Variants in AP4S1 observed in about 807,000 individuals in gnomAD.
AP4S1 encodes AP-4 complex subunit sigma-1.
AP4S1 carries 23 observed loss-of-function variants against 19.8 expected under a neutral mutation model. The ratio of observed to expected loss-of-function variants is 1.16; its 90% confidence interval spans 0.84 to 1.65. The LOEUF is 1.65. Among genes scored for constraint, AP4S1 ranks in the 40% most tolerant of loss-of-function variants. AP4S1 has a pLI of 0.00. For missense variants in AP4S1, 166 were observed against 172.8 expected (o/e 0.96, Z 0.22); for synonymous variants, 46 against 54.1 (o/e 0.85, Z 0.66).
intron 1 of AP4S1, among the ~76,000 whole-genome samples, chr14:31,059,745 A>T (rs1886317497): frequency 6.6e-6 from 1 of 151,944 alleles, no homozygotes; most frequent in Non-Finnish European, 1.5e-5. Flanking sequence ...GTGAATGGCC[A>T]CAGGCCTCCC....
intron 1 of AP4S1, among the ~76,000 whole-genome samples, chr14:31,037,721 G>A (rs1884862636): frequency 6.6e-6 from 1 of 152,142 alleles, no homozygotes; most frequent in Non-Finnish European, 1.5e-5. Flanking sequence ...AGGCCAAGGT[G>A]GGAGGATTGT....
intron 1 of AP4S1, among the ~76,000 whole-genome samples, chr14:31,039,372 G>A (rs947403758): frequency 3.6e-4 from 54 of 151,418 alleles, no homozygotes; most frequent in Admixed American, 3.6e-3. Flanking sequence ...TTTTAGTAAA[G>A]ACAGGTTCTG....
At chr14:31,035,944 A>G (rs908647602) in intron 1 of AP4S1, among the ~76,000 whole-genome samples, 1 of 151,884 alleles carries the variant, frequency 6.6e-6, no homozygotes, top group East Asian at 1.9e-4. Flanking sequence ...GTTAGCCAGG[A>G]TGGTCTCGAT....
At chr14:31,073,430 C>A in intron 4 of AP4S1, among the ~76,000 whole-genome samples, 1 of 138,286 alleles carries the variant, frequency 7.2e-6, no homozygotes, top group Middle Eastern at 3.6e-3. Context: ...GCGGAGCTTG[C>A]AGTGAGCCGA....
At chr14:31,089,294 T>C (rs960329867) in intron 5 of AP4S1, among the ~76,000 whole-genome samples, 10 of 152,176 alleles carry the variant, frequency 6.6e-5, no homozygotes, top group Admixed American at 2.0e-4. Flanking sequence ...GTGAACACAG[T>C]GGCCCTTGGC....
chr14:31,036,968 A>G (rs1884813788), intron 1 of AP4S1, among the ~76,000 whole-genome samples: 1 of 150,948 alleles, frequency 6.6e-6, no homozygotes, highest in South Asian at 2.1e-4. Flanking sequence ...GCATGCCACT[A>G]TGCCCGGCTA....
chr14:31,037,572 A>T (rs1408951934), intron 1 of AP4S1, among the ~76,000 whole-genome samples: 1 of 152,166 alleles, frequency 6.6e-6, no homozygotes, highest in Non-Finnish European at 1.5e-5. Flanking sequence ...TAGTCCAAAG[A>T]TTGTGAGATA....
At chr14:31,060,536 C>T (rs1045018783) in intron 1 of AP4S1, among the ~76,000 whole-genome samples, 1 of 152,150 alleles carries the variant, frequency 6.6e-6, no homozygotes, top group Non-Finnish European at 1.5e-5. Flanking sequence ...ATGGCAGGTA[C>T]GTGGCAAAGC....
chr14:31,058,527 ATGTGTGTGTGTGTGTGTGTGTGTG>A (rs140119208), intron 1 of AP4S1, among the ~76,000 whole-genome samples: 66,605 of 136,482 alleles, frequency 0.49, 15,656 homozygotes, highest in Admixed American at 0.59. Flanking sequence ...CTGTGTGTGT[ATGTGTGTGTGTGTGTGTGTGTGTG>A]TGTGTGTGTG....
intron 4 of AP4S1, among the ~76,000 whole-genome samples, chr14:31,077,594 T>C (rs967865055): frequency 5.9e-5 from 9 of 152,172 alleles, no homozygotes; most frequent in African/African-American, 1.9e-4. Context: ...CATCAGAAGC[T>C]GTAGGTCAAG....
chr14:31,036,004 A>C (rs1189338551), intron 1 of AP4S1, among the ~76,000 whole-genome samples: 1 of 152,134 alleles, frequency 6.6e-6, no homozygotes, highest in Non-Finnish European at 1.5e-5. Context: ...TGCTGGGATT[A>C]CAGGCGTGAG....
chr14:31,060,269 T>G lies in AP4S1; in HGVS notation c.-71-5857T>G, dbSNP rs367802161. On this transcript the variant is annotated intron_variant, in intron 1 of 5. Transcript: ENST00000542754. ...CAAAACCCCAGTTATATGGGGCTGATTTTTGTGTAGGTAGGTTCCACGGGG... is the reference window on the plus strand; with the variant it reads ...CAAAACCCCAGTTATATGGGGCTGAGTTTTGTGTAGGTAGGTTCCACGGGG... Among the ~76,000 whole-genome samples, 17 of 152,002 alleles carry G rather than the reference T, an allele frequency of 1.1e-4. No individual in the cohort carries two copies. The East Asian group carries it at 2.9e-3, about 26-fold the overall frequency.
chr14:31,025,810 A>G, intron 1 of AP4S1, 23 bp downstream of exon 1: 1 of 1,512,046 alleles, frequency 6.6e-7, no homozygotes, highest in East Asian at 2.5e-5. Context: ...CGGCCTCCCA[A>G]GGCGCCGGCT....
At position 31,063,259 on chromosome 14, in the gene AP4S1, A is replaced by G. The variant is rs138872057; in HGVS notation, c.-71-2867A>G. 9.2e-4 allele frequency among the ~76,000 whole-genome samples: 140 copies of G among 152,160 alleles called. No individual in the cohort carries two copies. In the East Asian group the frequency reaches 0.017, roughly 19 times the overall value. On this transcript the variant is annotated intron_variant, in intron 1 of 5. Coordinates refer to ENST00000542754, the MANE Select transcript of AP4S1 (RefSeq NM_001128126.3). ...CAGCCTGGACAACATGGTGAAACCC[A>G]TCTCTGCTAAAAATACAAAAATCAG...
chr14:31,025,688 G>A lies in AP4S1; in HGVS notation c.-171G>A, dbSNP rs179739. 1.4e-6 allele frequency: 1 copy of A among 713,574 alleles called. No homozygotes were observed. The highest frequency in any genetic ancestry group is 2.2e-6 in the Non-Finnish European group (1 of 451,850). The allele number at this position is 713,574 out of a possible 1,614,324, so 44.2% of individuals were successfully genotyped here. The stretch of plus-strand genomic sequence containing the variant: ...TGGCTGCCCCGAGGAGGCCCGCACC[G>A]CGTAGCCAGTGAAGGTTGGGGAGCA... On this transcript the variant is annotated 5_prime_UTR_variant, in exon 1 of 6. Transcript: ENST00000542754.
In AP4S1 at chr14:31,073,167, G is replaced by T. The variant is rs116947460; in HGVS notation, c.294+194G>T. 632 of 552,096 alleles carry T rather than the reference G, an allele frequency of 1.1e-3. 9 individuals are homozygous for T. In the East Asian group the frequency reaches 0.018, roughly 16 times the overall value. The allele number at this position is 552,096 out of a possible 1,614,324, so 34.2% of individuals were successfully genotyped here. ...GTGTTACAAGCCTATACATGCCTGA[G>T]ATCTTTATAAAGAACTGGAAAAAAA... On this transcript the variant is annotated intron_variant, in intron 4 of 5. Transcript: ENST00000542754.
At position 31,096,316 on chromosome 14, in the gene AP4S1, C is replaced by T. The variant is rs1015970484; in HGVS notation, c.*3281C>T. 2.0e-5 allele frequency: 3 copies of T among 152,054 alleles called. No homozygotes were observed. The highest frequency in any genetic ancestry group is 1.9e-4 in the East Asian group (1 of 5,190). The allele number at this position is 152,054 out of a possible 1,614,324, so 9.4% of individuals were successfully genotyped here. On this transcript the variant is annotated 3_prime_UTR_variant, in exon 6 of 6. Coordinates refer to ENST00000542754, the MANE Select transcript of AP4S1 (RefSeq NM_001128126.3). Reference sequence around the variant, plus strand: ...GAAGAATATACAGAACTGTCTTAGGCGAAAGTATGTACAGTAGTCCCTCTC... The same window carrying T: ...GAAGAATATACAGAACTGTCTTAGGTGAAAGTATGTACAGTAGTCCCTCTC...
At chr14:31,032,523 A>ATTTTTT (rs775316642) in intron 1 of AP4S1, among the ~76,000 whole-genome samples, 1 of 138,996 alleles carries the variant, frequency 7.2e-6, no homozygotes, top group South Asian at 2.3e-4. Flanking sequence ...CAGAATGTAC[A>ATTTTTT]TTTTTTTTTT....
intron 1 of AP4S1, among the ~76,000 whole-genome samples, chr14:31,058,825 C>T (rs1886279545): frequency 6.6e-6 from 1 of 151,702 alleles, no homozygotes; most frequent in South Asian, 2.1e-4. Flanking sequence ...ATCCTCCCAC[C>T]ATGGCCTCTC....
Sources: gnomAD v4.1 joint callset for allele counts (sites outside exome capture counted in the v4.1 genomes callset) on GRCh38, gnomAD v4.1.1 for gene constraint, MANE v1.5 for transcripts, NCBI Gene and HGNC (gene_info 2026-07-23, HGNC 2026-07-21) for gene names.